The following MINPP1 variants were observed in gnomAD, a reference collection of about 807,000 sequenced individuals.
MINPP1 encodes the protein multiple inositol-polyphosphate phosphatase 1, also known as multiple inositol polyphosphate phosphatase 1.
In MINPP1, 28 loss-of-function variants were observed where a neutral mutation model predicts 46.1. The observed-to-expected ratio is 0.61, with a 90% confidence interval of 0.45 to 0.83. The LOEUF (loss-of-function observed/expected upper bound fraction) is 0.83, where lower values mean the gene tolerates loss of function less well. MINPP1 is among the 40% of genes least tolerant of loss of function. The pLI is 0.00. For synonymous variants in MINPP1, 268 were observed against 249.1 expected (o/e 1.08, Z -0.72); for missense variants, 603 against 610.0 (o/e 0.99, Z 0.12).
At chr10:87,508,048 A>G in intron 1 of MINPP1, 1 of 1,431,052 alleles carries the variant, frequency 7.0e-7, no homozygotes, top group Non-Finnish European at 9.1e-7. Context: ...CCTGACAGAA[A>G]CAGTACTTAT....
chr10:87,510,284 A>G (rs1851316581), intron 2 of MINPP1, among the ~76,000 whole-genome samples: 1 of 152,216 alleles, frequency 6.6e-6, no homozygotes, highest in African/African-American at 2.4e-5. Flanking sequence ...GTGATGCTAT[A>G]TGTATTTTCA....
intron 4 of MINPP1, 56 bp from the exon 5 acceptor site, chr10:87,552,026 C>T: frequency 7.4e-7 from 1 of 1,353,266 alleles, no homozygotes; most frequent in Non-Finnish European, 1.0e-6. Context: ...AGTGTAAATA[C>T]TATGTTCTAT....
intron 4 of MINPP1, among the ~76,000 whole-genome samples, chr10:87,540,717 T>C (rs891325688): frequency 1.3e-5 from 2 of 152,180 alleles, no homozygotes; most frequent in Non-Finnish European, 2.9e-5. Context: ...CTTCAAATAG[T>C]GATTGGGCAT....
intron 4 of MINPP1, among the ~76,000 whole-genome samples, chr10:87,530,620 GTGCCCCCCCAGT>G: frequency 6.6e-6 from 1 of 152,198 alleles, no homozygotes; most frequent in Non-Finnish European, 1.5e-5. Flanking sequence ...CTACTGGGAG[GTGCCCCCCCAGT>G]TAGGCTACTT....
intron 2 of MINPP1, chr10:87,509,728 TA>T: frequency 2.7e-6 from 1 of 364,818 alleles, no homozygotes; most frequent in Non-Finnish European, 5.6e-6. Flanking sequence ...TTAAAACTTT[TA>T]AGAGTGGTAT....
Position 87,521,537 on chromosome 10 carries a change from G to T in MINPP1, c.1067+368G>T, listed in dbSNP as rs928934563. Among the ~76,000 whole-genome samples the T allele has an allele frequency of 2.6e-5, 4 of 152,204 alleles. 1 individual carries two copies. The highest frequency in any genetic ancestry group is 9.6e-5 in the African/African-American group (4 of 41,526). Reference sequence around the variant, plus strand: ...TATTATGAATGTATTGGTGCCCAAAGAATATATTTAGTTTTTCTTGGAATC... The same window carrying T: ...TATTATGAATGTATTGGTGCCCAAATAATATATTTAGTTTTTCTTGGAATC... On this transcript the variant is annotated intron_variant, in intron 4 of 4. Coordinates refer to ENST00000371996, the MANE Select transcript of MINPP1 (RefSeq NM_004897.5).
intron 4 of MINPP1, among the ~76,000 whole-genome samples, chr10:87,539,974 C>T (rs528447122): frequency 1.3e-5 from 2 of 152,254 alleles, no homozygotes; most frequent in Non-Finnish European, 2.9e-5. Context: ...TCAAGTGATC[C>T]TCATACCTCA....
intron 2 of MINPP1, among the ~76,000 whole-genome samples, chr10:87,509,025 A>G (rs1851297161): frequency 1.3e-5 from 2 of 152,212 alleles, no homozygotes; most frequent in African/African-American, 2.4e-5. Flanking sequence ...CATGTCTATC[A>G]TAAGTTATTG....
At chr10:87,508,658 T>C in intron 2 of MINPP1, 125 bp downstream of exon 2, 1 of 960,616 alleles carries the variant, frequency 1.0e-6, no homozygotes, top group African/African-American at 1.7e-5. Context: ...GAAAATAATA[T>C]GTTCTGGGTC....
intron 4 of MINPP1, among the ~76,000 whole-genome samples, chr10:87,544,108 A>G (rs993398559): frequency 1.3e-5 from 2 of 152,240 alleles, no homozygotes; most frequent in Admixed American, 1.3e-4. Flanking sequence ...TTCAGACACC[A>G]GTCATAAGTC....
At chr10:87,542,164 C>T (rs1341428105) in intron 4 of MINPP1, among the ~76,000 whole-genome samples, 1 of 152,104 alleles carries the variant, frequency 6.6e-6, no homozygotes, top group Non-Finnish European at 1.5e-5. Flanking sequence ...TTATTTACTC[C>T]CAAGATACAG....
rs148680106 is a variant in MINPP1, at chr10:87,505,268, G to A, written c.353G>A (p.Gly118Glu). Residue 118 changes from glycine to glutamate, a missense_variant, in exon 1 of 5, where the codon GGG (glycine) becomes GAG (glutamate). Physicochemically the swap from Gly to Glu is moderately conservative, Grantham distance 98. Around this residue, in one of 3 missense-constraint regions of MINPP1, gnomAD observed 239 missense variants for 189.4 expected, o/e 1.26. Coordinates refer to ENST00000371996, the MANE Select transcript of MINPP1 (RefSeq NM_004897.5). The surrounding 1 kb of genome is among the most constrained non-coding windows in gnomAD (Gnocchi z 4.4). ...LLQARGSRDG[G>E]ASSTGSRDLG... ...CAGGCCCGCGGGTCCAGGGATGGCGGGGCTAGTAGTACCGGCAGCCGCGAC... is the reference window on the plus strand; with the variant it reads ...CAGGCCCGCGGGTCCAGGGATGGCGAGGCTAGTAGTACCGGCAGCCGCGAC... 8.1e-6 allele frequency: 13 copies of A among 1,611,402 alleles called. No individual in the cohort carries two copies. The African/African-American group carries it at 1.1e-4, about 13-fold the overall frequency.
intron 1 of MINPP1, chr10:87,507,871 G>A (rs1232992451): frequency 4.6e-6 from 5 of 1,083,950 alleles, no homozygotes. Context: ...GTCCAAAGCA[G>A]AATCTTTGTA....
chr10:87,535,769 G>GA (rs951744561), intron 4 of MINPP1, among the ~76,000 whole-genome samples: 1,764 of 148,288 alleles, frequency 0.012, 39 homozygotes, highest in African/African-American at 0.04. Context: ...CTCTACAAAA[G>GA]AAAAAAAAAA....
At chr10:87,524,445 C>T (rs1851546537) in intron 4 of MINPP1, among the ~76,000 whole-genome samples, 1 of 152,224 alleles carries the variant, frequency 6.6e-6, no homozygotes, top group Admixed American at 6.5e-5. Flanking sequence ...TTCTTCCTAT[C>T]AGCAATAACA....
chr10:87,534,068 T>C (rs1589380929), intron 4 of MINPP1, among the ~76,000 whole-genome samples: 1 of 120,646 alleles, frequency 8.3e-6, no homozygotes, highest in Admixed American at 8.9e-5. Context: ...TTTTTTTTTT[T>C]TGGAGACAGA....
At chr10:87,544,623 T>C (rs1851863234) in intron 4 of MINPP1, among the ~76,000 whole-genome samples, 1 of 152,176 alleles carries the variant, frequency 6.6e-6, no homozygotes, top group Admixed American at 6.5e-5. Context: ...TTTAGGAGTT[T>C]TGTACCAGGA....
At chr10:87,529,141 G>T (rs1002422349) in intron 4 of MINPP1, among the ~76,000 whole-genome samples, 1 of 152,176 alleles carries the variant, frequency 6.6e-6, no homozygotes, top group African/African-American at 2.4e-5. Flanking sequence ...ACAGCACACT[G>T]ATGGGTCTTG....
intron 4 of MINPP1, among the ~76,000 whole-genome samples, chr10:87,527,817 G>C (rs1851599287): frequency 6.6e-6 from 1 of 152,118 alleles, no homozygotes; most frequent in African/African-American, 2.4e-5. Flanking sequence ...GTAGAATTTG[G>C]CTGTGAATCC....
Sources: gnomAD v4.1 joint callset for allele counts (sites outside exome capture counted in the v4.1 genomes callset) on GRCh38, gnomAD v4.1.1 for gene constraint, gnomAD v4.1.1 regional missense constraint, Gnocchi (gnomAD v3.1) non-coding constraint, MANE v1.5 for transcripts, NCBI Gene and HGNC (gene_info 2026-07-23, HGNC 2026-07-21) for gene names.